NBR1: variants seen among roughly 807,000 people sequenced by gnomAD.
The protein encoded by NBR1 is NBR1 autophagy cargo receptor, also known as next to BRCA1 gene 1 protein.
A neutral mutation model predicts 115.5 loss-of-function variants in NBR1; 59 were observed. That is an observed-to-expected ratio of 0.51 (90% CI 0.41 to 0.63). NBR1 has a LOEUF of 0.63. NBR1 is among the 30% of genes least tolerant of loss of function. The pLI, the probability that NBR1 is intolerant of heterozygous loss-of-function variation, is 0.00. For missense variants in NBR1, 1,043 were observed against 1,150.5 expected (o/e 0.91, Z 1.35); for synonymous variants, 373 against 414.7 (o/e 0.90, Z 1.22).
At position 43,189,895 on chromosome 17, in the gene NBR1, C is replaced by G. The variant is rs916961548; in HGVS notation, c.695+93C>G. 5 of 1,080,388 alleles carry G rather than the reference C, an allele frequency of 4.6e-6. No homozygotes were observed. The African/African-American group carries it at 7.8e-5, about 17-fold the overall frequency. 66.9% of individuals were successfully genotyped at this position (1,080,388 alleles called of 1,614,324 possible). A position where few individuals can be genotyped will look rare whatever the true frequency, so the allele number is the denominator to read the frequency against. On this transcript the variant is annotated intron_variant, in intron 8 of 20. Transcript: ENST00000590996. ...TGTAGGTAAAGGGAAATTAATTGTA[C>G]CCTGTTTCTGAGCATTAGATGTTGT...
rs1438891639 is a variant in NBR1 at position 43,191,441 on chromosome 17, A to G, written c.933A>G (p.Gln311=). 2 of 1,613,374 alleles carry G rather than the reference A, an allele frequency of 1.2e-6. No individual in the cohort carries two copies. Among genetic ancestry groups the G allele is most frequent in the East Asian group, 2.2e-5 (1 of 44,896 alleles). ...EKQRLRAEKK[Q]RKAEVKELKK... ...AAAGGTTGCGAGCTGAGAAGAAACA[A>G]CGTAAAGCAGAGGTCAAGGAACTTA... Residue 311 remains glutamine (Q), a synonymous_variant, in exon 10 of 21, where the codon CAA becomes CAG. Coordinates refer to ENST00000590996, the MANE Select transcript of NBR1 (RefSeq NM_005899.5).
intron 20 of NBR1, among the ~76,000 whole-genome samples, chr17:43,206,875 C>A (rs1324967959): frequency 6.6e-6 from 1 of 152,076 alleles, no homozygotes; most frequent in East Asian, 1.9e-4. Context: ...CCAGCCTGGG[C>A]AACATAGTGA....
chr17:43,181,427 T>A (rs1035631552), intron 5 of NBR1, among the ~76,000 whole-genome samples: 1 of 151,994 alleles, frequency 6.6e-6, no homozygotes, highest in Non-Finnish European at 1.5e-5. Context: ...ATCCCAGCAC[T>A]TTGGGAGGCC....
chr17:43,194,466 C>T lies in NBR1; in HGVS notation c.1641C>T (p.Leu547=), dbSNP rs765459583. The change falls in exon 13 of 21, where the codon CTC becomes CTT. Residue 547 remains leucine (L), a synonymous_variant. Coordinates refer to ENST00000590996, the MANE Select transcript of NBR1 (RefSeq NM_005899.5). ...AAAATGTTGCCAGTGAGAGGGAGCTCTACATCCCATCTGTGGATCTTCTGA... is the reference window on the plus strand; with the variant it reads ...AAAATGTTGCCAGTGAGAGGGAGCTTTACATCCCATCTGTGGATCTTCTGA... The part of the protein sequence containing the change: ...KAKNVASERE[L]YIPSVDLLTA... 1 of 1,613,972 alleles carries T rather than the reference C, an allele frequency of 6.2e-7. No homozygotes were observed. The highest frequency in any genetic ancestry group is 1.1e-5 in the South Asian group (1 of 91,082).
At chr17:43,203,218 A>G (rs1307839162) in intron 19 of NBR1, among the ~76,000 whole-genome samples, 1 of 152,170 alleles carries the variant, frequency 6.6e-6, no homozygotes, top group Non-Finnish European at 1.5e-5. Context: ...CCTCACTCTT[A>G]GCACTGGGGA....
intron 8 of NBR1, chr17:43,190,095 T>A: frequency 6.0e-6 from 1 of 166,982 alleles, no homozygotes; most frequent in East Asian, 1.5e-4. Context: ...CCAAATGCCT[T>A]TTTTTTTTTT....
intron 1 of NBR1, among the ~76,000 whole-genome samples, chr17:43,174,094 T>C (rs1443566872): frequency 1.3e-5 from 2 of 152,156 alleles, no homozygotes; most frequent in African/African-American, 4.8e-5. Context: ...AAAATTCTTA[T>C]CTTTTAGAGG....
intron 17 of NBR1, 60 bp downstream of exon 17, chr17:43,200,668 C>T (rs368708275): frequency 5.5e-6 from 8 of 1,457,260 alleles, no homozygotes; most frequent in South Asian, 1.3e-5. Context: ...AGAGAGGAAT[C>T]GACCTGATCT....
intron 1 of NBR1, among the ~76,000 whole-genome samples, chr17:43,172,885 G>C (rs755589942): frequency 6.6e-6 from 1 of 152,050 alleles, no homozygotes; most frequent in Non-Finnish European, 1.5e-5. Flanking sequence ...GAGTGCATTG[G>C]CGCGATCTTG....
rs548028759 is a variant in NBR1, at chr17:43,173,821, C to T, written c.-9-1970C>T. On this transcript the variant is annotated intron_variant, in intron 1 of 20. Transcript: ENST00000590996. ...TCCCAGTTTGTGTGCTCCTCCGCCTCCCCTCTGCCCCCCACCCCCACCCCC... is the reference window on the plus strand; with the variant it reads ...TCCCAGTTTGTGTGCTCCTCCGCCTTCCCTCTGCCCCCCACCCCCACCCCC... Among the ~76,000 whole-genome samples, 254 of 141,092 alleles carry T rather than the reference C, an allele frequency of 1.8e-3. 1 individual carries two copies. The highest frequency in any genetic ancestry group is 3.4e-3 in the Non-Finnish European group (218 of 64,412). 92.6% of individuals were successfully genotyped at this position (141,092 alleles called of 152,430 possible). A position where few individuals can be genotyped will look rare whatever the true frequency, so the allele number is the denominator to read the frequency against.
At chr17:43,191,937 GT>G (rs1255744697) in intron 10 of NBR1, among the ~76,000 whole-genome samples, 2 of 151,114 alleles carry the variant, frequency 1.3e-5, no homozygotes, top group Non-Finnish European at 2.9e-5. Flanking sequence ...AGCCAGGATG[GT>G]CTCGATCTCT....
At chr17:43,174,700 G>A (rs1176015892) in intron 1 of NBR1, among the ~76,000 whole-genome samples, 1 of 152,094 alleles carries the variant, frequency 6.6e-6, no homozygotes, top group Admixed American at 6.5e-5. Context: ...AGTGGGAGAT[G>A]CGGGGGTATA....
In NBR1 at chr17:43,203,763, G is replaced by A. The variant is rs774095892; in HGVS notation, c.2704G>A (p.Ala902Thr). Reference sequence around the variant, plus strand: ...TGCCTCTGCATACAAGGCCCTGTTTGCTGGGCCACCAGTCACTGCACAGGT... The same window carrying A: ...TGCCTCTGCATACAAGGCCCTGTTTACTGGGCCACCAGTCACTGCACAGGT... Reference protein sequence around the residue: ...VAASAYKALFAGPPVTAQPII... With the variant: ...VAASAYKALFTGPPVTAQPII... The change falls in exon 20 of 21, where the codon GCT becomes ACT. Residue 902 changes from alanine (A) to threonine (T), a missense_variant. By Grantham distance (58) the Ala-to-Thr change is moderately conservative (BLOSUM62 0). Coordinates refer to ENST00000590996, the MANE Select transcript of NBR1 (RefSeq NM_005899.5). The A allele has an allele frequency of 6.2e-7, 1 of 1,600,676 alleles. No individual in the cohort carries two copies. Among genetic ancestry groups the A allele is most frequent in the Admixed American group, 1.7e-5 (1 of 58,120 alleles).
chr17:43,181,454 G>A (rs1345014688), intron 5 of NBR1, among the ~76,000 whole-genome samples: 2 of 149,982 alleles, frequency 1.3e-5, no homozygotes, highest in Non-Finnish European at 3.0e-5. Flanking sequence ...GGTGGATCAC[G>A]AGGTCAGGAG....
Position 43,195,039 on chromosome 17 carries a change from G to C in NBR1, c.1750G>C (p.Asp584His), listed in dbSNP as rs188568228. ...GAGAGTGCCCCACAACACCCCTGTG[G>C]GTAAGAATGTCACTCATTTCATCTT... ...LERVPHNTPV[D>H]VTPCMSPLPH... is the part of the protein sequence containing the mutation. The change falls in exon 14 of 21, where the codon GAT (aspartate) becomes CAT (histidine). Residue 584 changes from aspartate to histidine, a missense_variant and splice_region_variant. Transcript: ENST00000590996. 5 of 1,612,080 alleles carry C rather than the reference G, an allele frequency of 3.1e-6. No homozygotes were observed. The African/African-American group carries it at 6.7e-5, about 22-fold the overall frequency.
chr17:43,172,398 A>C (rs1280726271), intron 1 of NBR1, among the ~76,000 whole-genome samples: 1 of 152,180 alleles, frequency 6.6e-6, no homozygotes, highest in Non-Finnish European at 1.5e-5. Context: ...TAAATTTCCA[A>C]TTGTGTAATT....
In NBR1 at chr17:43,179,925, T is replaced by A. The variant is rs142609432; in HGVS notation, c.184+513T>A. Among the ~76,000 whole-genome samples the A allele has an allele frequency of 3.2e-5, 4 of 125,346 alleles. No individual in the cohort carries two copies. In the East Asian group the frequency reaches 7.4e-4, roughly 23 times the overall value. 82.2% of individuals were successfully genotyped at this position (125,346 alleles called of 152,430 possible). On this transcript the variant is annotated intron_variant, in intron 4 of 20. Transcript: ENST00000590996. ...TCTCAGTGCGTAAATGTGAGGGACCTGGGTTGAGATTTTGTAACTGGAAGA... is the reference window on the plus strand; with the variant it reads ...TCTCAGTGCGTAAATGTGAGGGACCAGGGTTGAGATTTTGTAACTGGAAGA...
chr17:43,186,469 T>C (rs370989708), intron 6 of NBR1, 25 bp downstream of exon 6: 116 of 1,440,266 alleles, frequency 8.1e-5, no homozygotes, highest in Non-Finnish European at 1.0e-4. Flanking sequence ...GCCCAGTCTA[T>C]CCAATATCGT....
chr17:43,179,324 G>A, intron 3 of NBR1, 70 bp from the exon 4 acceptor site: 1 of 1,426,970 alleles, frequency 7.0e-7, no homozygotes, highest in Non-Finnish European at 9.8e-7. Context: ...CTATGGGGCT[G>A]GTCCTAGTAA....
Sources: gnomAD v4.1 joint callset for allele counts (sites outside exome capture counted in the v4.1 genomes callset) on GRCh38, gnomAD v4.1.1 for gene constraint, MANE v1.5 for transcripts, NCBI Gene and HGNC (gene_info 2026-07-23, HGNC 2026-07-21) for gene names.